Variants in CNKSR2 observed in about 807,000 individuals in gnomAD.
The protein encoded by CNKSR2 is CNK homolog protein 2.
A neutral mutation model predicts 84.4 loss-of-function variants in CNKSR2; 14 were observed. That is an observed-to-expected ratio of 0.17 (90% CI 0.11 to 0.26). The LOEUF is 0.26. Ranked by LOEUF, CNKSR2 falls within the 10% of genes least tolerant of loss-of-function variation. The pLI, the probability that CNKSR2 is intolerant of heterozygous loss-of-function variation, is 1.00. For missense variants in CNKSR2, 485 were observed against 771.2 expected, an observed-to-expected ratio of 0.63 and a Z score of 4.40; for synonymous variants, 275 against 277.9, an observed-to-expected ratio of 0.99 and a Z score of 0.10.
At chrX:21,416,950 T>C (rs1259876921) in intron 1 of CNKSR2, among the ~76,000 whole-genome samples, 2 of 111,811 alleles carry the variant, frequency 1.8e-5, no homozygotes, top group Non-Finnish European at 3.8e-5. Flanking sequence ...TATTATCTCT[T>C]CCAGTATTTT....
At chrX:21,441,629 C>T (rs756623084) in intron 4 of CNKSR2, among the ~76,000 whole-genome samples, 5 of 111,610 alleles carry the variant, frequency 4.5e-5, no homozygotes, top group African/African-American at 9.7e-5. Flanking sequence ...ACATAGCTTA[C>T]GAACAGTTAA....
intron 3 of CNKSR2, among the ~76,000 whole-genome samples, chrX:21,438,167 C>T (rs937023296): frequency 9.0e-6 from 1 of 111,657 alleles, no homozygotes; most frequent in African/African-American, 3.3e-5. Flanking sequence ...GATGATACAG[C>T]CTACTACACA....
intron 1 of CNKSR2, among the ~76,000 whole-genome samples, chrX:21,404,830 G>A (rs1195304509): frequency 3.8e-5 from 4 of 105,659 alleles, no homozygotes; most frequent in Non-Finnish European, 5.8e-5. Flanking sequence ...ATAAAGTAGA[G>A]GATCTGACAT....
chrX:21,417,514 G>T (rs1447358716), intron 1 of CNKSR2, among the ~76,000 whole-genome samples: 3 of 111,563 alleles, frequency 2.7e-5, no homozygotes, highest in Non-Finnish European at 5.7e-5. Context: ...GTGGGGTGTT[G>T]AAGTCTCCAG....
intron 11 of CNKSR2, chrX:21,538,318 T>A (rs1387533762): frequency 8.9e-6 from 1 of 111,887 alleles, no homozygotes. Flanking sequence ...CTGATGGAGG[T>A]TCTTTTTATG....
chrX:21,559,118 C>T (rs2092164842), intron 11 of CNKSR2, among the ~76,000 whole-genome samples: 1 of 111,114 alleles, frequency 9.0e-6, no homozygotes, highest in African/African-American at 3.3e-5. Flanking sequence ...TTTCGATGGG[C>T]AGAATATTGA....
chrX:21,638,687 CAT>C (rs2092681882), intron 20 of CNKSR2, among the ~76,000 whole-genome samples: 1 of 111,942 alleles, frequency 8.9e-6, no homozygotes, highest in South Asian at 3.7e-4. Context: ...TTTGTGGTAT[CAT>C]AGATATGTTG....
intron 20 of CNKSR2, among the ~76,000 whole-genome samples, chrX:21,629,132 A>G (rs2092636867): frequency 8.9e-6 from 1 of 112,331 alleles, no homozygotes; most frequent in South Asian, 3.7e-4. Flanking sequence ...CTAAAACATA[A>G]TAAGAGTCAC....
intron 11 of CNKSR2, among the ~76,000 whole-genome samples, chrX:21,552,157 A>G (rs1465330408): frequency 9.0e-6 from 1 of 111,179 alleles, no homozygotes; most frequent in Non-Finnish European, 1.9e-5. Context: ...AGGGCTATTC[A>G]TGTTAGCTTT....
intron 13 of CNKSR2, among the ~76,000 whole-genome samples, chrX:21,582,040 G>T (rs2092356674): frequency 9.0e-6 from 1 of 111,435 alleles, no homozygotes; most frequent in Admixed American, 9.5e-5. Flanking sequence ...TAATAGGCTT[G>T]TACTGAAATG....
intron 1 of CNKSR2, among the ~76,000 whole-genome samples, chrX:21,417,051 T>C (rs1445966164): frequency 9.0e-6 from 1 of 111,639 alleles, no homozygotes; most frequent in Non-Finnish European, 1.9e-5. Flanking sequence ...TAAGCACATA[T>C]AACTATAAAT....
At chrX:21,530,942 G>GA (rs1408117092) in intron 10 of CNKSR2, among the ~76,000 whole-genome samples, 1 of 109,725 alleles carries the variant, frequency 9.1e-6, no homozygotes, top group Non-Finnish European at 1.9e-5. Context: ...TCCTATAGAA[G>GA]AAAAAAATCA....
At chrX:21,515,531 T>A (rs183195672) in intron 8 of CNKSR2, among the ~76,000 whole-genome samples, 10 of 111,365 alleles carry the variant, frequency 9.0e-5, no homozygotes, top group Middle Eastern at 9.4e-3. Flanking sequence ...AAAAGGTTCT[T>A]CTCTCTTCTA....
At chrX:21,624,294 G>A (rs2092613662) in intron 20 of CNKSR2, among the ~76,000 whole-genome samples, 1 of 111,638 alleles carries the variant, frequency 9.0e-6, no homozygotes, top group African/African-American at 3.3e-5. Flanking sequence ...CATCCCAAAG[G>A]TGAATAATAA....
At chrX:21,454,693 C>T (rs2147112500) in intron 4 of CNKSR2, among the ~76,000 whole-genome samples, 1 of 112,077 alleles carries the variant, frequency 8.9e-6, no homozygotes, top group South Asian at 3.7e-4. Context: ...TCCTGTGTGT[C>T]GCACTCACTG....
chrX:21,595,120 G>A (rs2092444460), intron 16 of CNKSR2, 73 bp downstream of exon 16: 2 of 863,692 alleles, frequency 2.3e-6, no homozygotes, highest in Non-Finnish European at 3.3e-6. Context: ...ATTATAGGTT[G>A]CTCATTTAAT....
At chrX:21,532,781 A>T (rs1462441203) in intron 11 of CNKSR2, among the ~76,000 whole-genome samples, 8 of 111,952 alleles carry the variant, frequency 7.1e-5, no homozygotes, top group African/African-American at 2.6e-4. Flanking sequence ...GATTTAATTG[A>T]AAGTCTCTGC....
intron 20 of CNKSR2, among the ~76,000 whole-genome samples, chrX:21,639,985 T>C (rs2092686487): frequency 9.0e-6 from 1 of 111,688 alleles, no homozygotes; most frequent in African/African-American, 3.3e-5. Flanking sequence ...TAGGGAGTTA[T>C]CTTCTCTTAT....
chrX:21,392,723 T>C (rs941496496), intron 1 of CNKSR2, among the ~76,000 whole-genome samples: 1 of 111,279 alleles, frequency 9.0e-6, no homozygotes, highest in Non-Finnish European at 1.9e-5. Context: ...CTCAAAGACC[T>C]TTTCTGATTG....
Sources: allele counts gnomAD v4.1 joint callset (sites outside exome capture counted in the v4.1 genomes callset), GRCh38; gene constraint gnomAD v4.1.1; transcripts MANE v1.5; gene names NCBI Gene and HGNC (gene_info 2026-07-23, HGNC 2026-07-21).